The following PHF2 variants were observed in gnomAD, a reference collection of about 807,000 sequenced individuals.
The protein encoded by PHF2 is lysine-specific demethylase PHF2.
A neutral mutation model predicts 120.5 loss-of-function variants in PHF2; 27 were observed. The ratio of observed to expected loss-of-function variants is 0.22; its 90% CI spans 0.17 to 0.31. PHF2 has a LOEUF of 0.31. PHF2 is among the 10% of genes least tolerant of loss of function. The pLI, the probability that PHF2 is intolerant of heterozygous loss-of-function variation, is 1.00. For missense variants in PHF2, 1,024 were observed against 1,434.8 expected (o/e 0.71, Z 4.63); for synonymous variants, 568 against 592.5 (o/e 0.96, Z 0.60).
chr9:93,632,606 G>C (rs1316551488), intron 2 of PHF2, among the ~76,000 whole-genome samples: 1 of 152,094 alleles, frequency 6.6e-6, no homozygotes, highest in Non-Finnish European at 1.5e-5. Flanking sequence ...GCAGCTTTCT[G>C]GGGTCTCTTT....
At chr9:93,610,724 C>T (rs1272512912) in intron 1 of PHF2, among the ~76,000 whole-genome samples, 1 of 152,138 alleles carries the variant, frequency 6.6e-6, no homozygotes, top group East Asian at 1.9e-4. Context: ...CACTACCATC[C>T]AGAGGAGGTC....
Position 93,576,749 on chromosome 9 carries a change from C to T in PHF2, c.-25C>T. On this transcript the variant is annotated 5_prime_UTR_variant, in exon 1 of 22. Coordinates refer to ENST00000359246, the MANE Select transcript of PHF2 (RefSeq NM_005392.4). ...CGACCCGGGCAGCGCAGCGGCGGGG[C>T]CGAGCGGCGGCGCGGCGCGGCAACA... The T allele has an allele frequency of 8.7e-7, 1 of 1,154,372 alleles. No homozygotes were observed. Among genetic ancestry groups the T allele is most frequent in the Non-Finnish European group, 1.1e-6 (1 of 910,656 alleles). 71.5% of individuals were successfully genotyped at this position (1,154,372 alleles called of 1,614,324 possible). A position where few individuals can be genotyped will look rare whatever the true frequency, so the allele number is the denominator to read the frequency against.
chr9:93,582,396 C>A (rs1862948637), intron 1 of PHF2, among the ~76,000 whole-genome samples: 1 of 152,158 alleles, frequency 6.6e-6, no homozygotes, highest in African/African-American at 2.4e-5. Flanking sequence ...GAGGTGCTTC[C>A]CTGTCCAAGC....
At chr9:93,591,632 A>G (rs548574831) in intron 1 of PHF2, among the ~76,000 whole-genome samples, 1 of 152,324 alleles carries the variant, frequency 6.6e-6, no homozygotes, top group Admixed American at 6.5e-5. Context: ...ACTGTAACAG[A>G]ATTCAGCTTC....
chr9:93,622,225 G>T (rs1314321006), intron 1 of PHF2, among the ~76,000 whole-genome samples: 1 of 152,212 alleles, frequency 6.6e-6, no homozygotes, highest in Non-Finnish European at 1.5e-5. Context: ...CCTCATGTGG[G>T]CTTCAGTTTG....
At chr9:93,652,372 G>A (rs10821190) in intron 5 of PHF2, among the ~76,000 whole-genome samples, 53,426 of 145,704 alleles carry the variant, frequency 0.37, 9,979 homozygotes, top group Non-Finnish European at 0.4. Context: ...TTGGCTCACT[G>A]TAACCTCTGC....
Position 93,660,577 on chromosome 9 carries a change from C to T in PHF2, c.1698+17C>T. ...AAGGGCAAGGTGGGACCCCCTCACC[C>T]TGACTCCCCACCTTATCACCAGAGG... On this transcript the variant is annotated intron_variant, in intron 12 of 21. Coordinates refer to ENST00000359246, the MANE Select transcript of PHF2 (RefSeq NM_005392.4). The T allele has an allele frequency of 6.5e-7, 1 of 1,534,720 alleles. No individual in the cohort carries two copies. Among genetic ancestry groups the T allele is most frequent in the Admixed American group, 2.1e-5 (1 of 47,758 alleles).
Position 93,663,580 on chromosome 9 carries a change from G to A in PHF2, c.1882G>A (p.Ala628Thr), listed in dbSNP as rs141929448. The change falls in exon 14 of 22, where the codon GCT becomes ACT. Residue 628 changes from alanine (A) to threonine (T), a missense_variant. Coordinates refer to ENST00000359246, the MANE Select transcript of PHF2 (RefSeq NM_005392.4). ...EEQKLEKSPL[A>T]GNKDNKFSFS... ...GCAGAAGCTAGAGAAGTCGCCTCTAGCTGGAAACAAAGACAATAAGTTCTC... is the reference window on the plus strand; with the variant it reads ...GCAGAAGCTAGAGAAGTCGCCTCTAACTGGAAACAAAGACAATAAGTTCTC... 13 of 1,613,642 alleles carry A rather than the reference G, an allele frequency of 8.1e-6. 1 individual carries two copies. In the African/African-American group the frequency reaches 1.6e-4, roughly 20 times the overall value.
intron 17 of PHF2, among the ~76,000 whole-genome samples, chr9:93,667,998 A>G (rs1057463452): frequency 1.3e-5 from 2 of 152,186 alleles, no homozygotes; most frequent in African/African-American, 2.4e-5. Flanking sequence ...CACAGCCCCA[A>G]GCTTGTTCAG....
At position 93,677,991 on chromosome 9, in the gene PHF2, G is replaced by C; in HGVS notation, c.*315G>C. On this transcript the variant is annotated 3_prime_UTR_variant, in exon 22 of 22. Transcript: ENST00000359246. This position sits in a 1 kb window ranked among gnomAD's most constrained non-coding sequence, Gnocchi z 4.4. ...CCCCTGAGCGTGGGTGTGATTGCAG[G>C]GCCTCTGCAGCTCTGCTGAGAGCAT... 1 of 315,782 alleles carries C rather than the reference G, an allele frequency of 3.2e-6. No individual in the cohort carries two copies. Among genetic ancestry groups the C allele is most frequent in the Non-Finnish European group, 5.9e-6 (1 of 170,246 alleles). 19.6% of individuals were successfully genotyped at this position (315,782 alleles called of 1,614,324 possible). A position where few individuals can be genotyped will look rare whatever the true frequency, so the allele number is the denominator to read the frequency against.
rs748475541 is a variant in PHF2 at position 93,665,809 on chromosome 9, G to T, written c.2061G>T (p.Lys687Asn). Residue 687 changes from lysine (K) to asparagine (N), a missense_variant, in exon 15 of 22, where the codon AAG (lysine) becomes AAT (asparagine). Around this residue, in one of 2 missense-constraint regions of PHF2, gnomAD observed 677 missense variants for 857.4 expected, o/e 0.79. Transcript: ENST00000359246. Reference protein sequence around the residue: ...YEYVSDDGELKIDEFPIRRKK... With the variant: ...YEYVSDDGELNIDEFPIRRKK... ...ACGTGTCGGATGACGGTGAGCTCAA[G>T]ATCGACGAGTTTCCCATCAGGAGGA... 1 of 1,612,738 alleles carries T rather than the reference G, an allele frequency of 6.2e-7. No individual in the cohort carries two copies. Among genetic ancestry groups the T allele is most frequent in the South Asian group, 1.1e-5 (1 of 91,046 alleles).
intron 1 of PHF2, among the ~76,000 whole-genome samples, chr9:93,590,735 T>C (rs1053780869): frequency 6.6e-6 from 1 of 152,226 alleles, no homozygotes; most frequent in Admixed American, 6.5e-5. Context: ...GCAGGCTTGC[T>C]GGGGCCACAG....
intron 1 of PHF2, among the ~76,000 whole-genome samples, chr9:93,618,239 C>T (rs895001084): frequency 3.9e-5 from 6 of 152,270 alleles, no homozygotes; most frequent in African/African-American, 1.4e-4. Context: ...GCAGCTGTTG[C>T]ACCTGTGCCA....
chr9:93,647,883 C>T, intron 4 of PHF2, among the ~76,000 whole-genome samples: 1 of 133,894 alleles, frequency 7.5e-6, no homozygotes, highest in East Asian at 2.2e-4. Flanking sequence ...AATGAGATTT[C>T]ATCTCAAAAA....
intron 1 of PHF2, among the ~76,000 whole-genome samples, chr9:93,586,781 G>C (rs1170008370): frequency 6.6e-6 from 1 of 152,240 alleles, no homozygotes; most frequent in East Asian, 1.9e-4. Context: ...GGGAGACCAG[G>C]CTCTGTTCTA....
rs1188994881 is a variant in PHF2, at chr9:93,663,399, A to G, written c.1819-118A>G. On this transcript the variant is annotated intron_variant, in intron 13 of 21. Coordinates refer to ENST00000359246, the MANE Select transcript of PHF2 (RefSeq NM_005392.4). ...AGTGGCCCGGGTGGCCACCAGAGCT[A>G]TGGGTGACTTTCCTTAGTCGTGTTC... 7.0e-6 allele frequency: 5 copies of G among 717,448 alleles called. No individual in the cohort carries two copies. In the East Asian group the frequency reaches 1.0e-4, roughly 14 times the overall value. The allele number at this position is 717,448 out of a possible 1,614,324, so 44.4% of individuals were successfully genotyped here.
At chr9:93,658,743 G>A (rs2117977284) in intron 10 of PHF2, among the ~76,000 whole-genome samples, 2 of 152,296 alleles carry the variant, frequency 1.3e-5, no homozygotes, top group East Asian at 3.9e-4. Context: ...CAGCTCAGAA[G>A]CTAAGCTGCC....
At chr9:93,636,603 A>G (rs1442076449) in intron 3 of PHF2, 78 bp downstream of exon 3, 11 of 1,045,344 alleles carry the variant, frequency 1.1e-5, no homozygotes, top group Admixed American at 2.1e-5. Context: ...CCCGCTATCC[A>G]TTGCTGGGGG....
At chr9:93,624,814 GTGATGATGATGGTGA>G (rs1454414571) in intron 1 of PHF2, among the ~76,000 whole-genome samples, 1 of 151,160 alleles carries the variant, frequency 6.6e-6, no homozygotes, top group Admixed American at 6.6e-5. Flanking sequence ...GATGGTGATG[GTGATGATGATGGTGA>G]TGATGATGAT....
Sources: gnomAD v4.1 joint callset for allele counts (sites outside exome capture counted in the v4.1 genomes callset) on GRCh38, gnomAD v4.1.1 for gene constraint, gnomAD v4.1.1 regional missense constraint, Gnocchi (gnomAD v3.1) non-coding constraint, MANE v1.5 for transcripts, NCBI Gene and HGNC (gene_info 2026-07-23, HGNC 2026-07-21) for gene names.